Variants in NUBPL observed in about 807,000 individuals in gnomAD.
NUBPL encodes the protein iron-sulfur cluster transfer protein NUBPL.
A neutral mutation model predicts 45.7 loss-of-function variants in NUBPL; 31 were observed. That is an observed-to-expected ratio of 0.68 (90% confidence interval 0.51 to 0.92). The LOEUF is 0.92. Ranked by LOEUF, NUBPL falls within the 40% of genes least tolerant of loss-of-function variation. The pLI, the probability that NUBPL is intolerant of heterozygous loss-of-function variation, is 0.00. For missense variants in NUBPL, 401 were observed against 398.7 expected (o/e 1.01, Z -0.05); for synonymous variants, 144 against 140.9 (o/e 1.02, Z -0.15).
intron 6 of NUBPL, among the ~76,000 whole-genome samples, chr14:31,735,959 G>T (rs1273201879): frequency 2.6e-5 from 4 of 152,150 alleles, no homozygotes; most frequent in Admixed American, 2.6e-4. Context: ...AACTGCTATG[G>T]TGGTGGCCCA....
intron 4 of NUBPL, among the ~76,000 whole-genome samples, chr14:31,639,219 G>T (rs185684404): frequency 7.9e-5 from 12 of 152,014 alleles, no homozygotes; most frequent in Non-Finnish European, 1.3e-4. Flanking sequence ...TTGTGGTTTT[G>T]TCTACTTTTG....
intron 4 of NUBPL, among the ~76,000 whole-genome samples, chr14:31,616,495 C>CA (rs2034903360): frequency 2.6e-5 from 1 of 39,132 alleles, no homozygotes; most frequent in South Asian, 7.4e-3. Flanking sequence ...TATGGCTAGC[C>CA]AGTTTTTTTT....
chr14:31,653,930 G>T, intron 4 of NUBPL: 2 of 278,464 alleles, frequency 7.2e-6, no homozygotes, highest in Non-Finnish European at 1.5e-5. Context: ...CCTCTGTTCA[G>T]GGTCCCTGAC....
At chr14:31,708,666 A>G (rs2037505105) in intron 6 of NUBPL, among the ~76,000 whole-genome samples, 1 of 152,314 alleles carries the variant, frequency 6.6e-6, no homozygotes, top group South Asian at 2.1e-4. Flanking sequence ...AACAATGAGA[A>G]GGCTGCGCCA....
intron 8 of NUBPL, among the ~76,000 whole-genome samples, chr14:31,841,908 G>A (rs901753602): frequency 5.4e-4 from 44 of 81,758 alleles, no homozygotes; most frequent in African/African-American, 1.8e-3. Context: ...TGTATGGGTC[G>A]ATTCTGGGCT....
intron 7 of NUBPL, among the ~76,000 whole-genome samples, chr14:31,818,237 T>G (rs1339342674): frequency 6.6e-6 from 1 of 152,124 alleles, no homozygotes; most frequent in Non-Finnish European, 1.5e-5. Flanking sequence ...CTGTCAATAT[T>G]AGACAGAACA....
At chr14:31,698,856 CTTT>C (rs753448190) in intron 6 of NUBPL, among the ~76,000 whole-genome samples, 2 of 140,660 alleles carry the variant, frequency 1.4e-5, no homozygotes, top group African/African-American at 2.6e-5. Context: ...GTGACTTACA[CTTT>C]TTTTTTTTTT....
chr14:31,835,075 A>G (rs148710528), intron 8 of NUBPL, among the ~76,000 whole-genome samples: 2 of 152,212 alleles, frequency 1.3e-5, no homozygotes, highest in Non-Finnish European at 2.9e-5. Flanking sequence ...TTAAGGAGCC[A>G]TAGGTTCTGT....
Position 31,565,066 on chromosome 14 carries a change from G to A in NUBPL, c.291+18G>A. On this transcript the variant is annotated intron_variant, in intron 3 of 10. Coordinates refer to ENST00000281081, the MANE Select transcript of NUBPL (RefSeq NM_025152.3). The stretch of plus-strand genomic sequence containing the variant: ...ACGATTCGGTAGGTGTTTATTAATA[G>A]AAATATTAATTTATTAAAATGTTTT... 6.9e-7 allele frequency: 1 copy of A among 1,440,030 alleles called. No homozygotes were observed. The highest frequency in any genetic ancestry group is 9.7e-7 in the Non-Finnish European group (1 of 1,034,740). The allele number at this position is 1,440,030 out of a possible 1,614,324, so 89.2% of individuals were successfully genotyped here.
intron 6 of NUBPL, among the ~76,000 whole-genome samples, chr14:31,765,230 C>G (rs1424863868): frequency 6.6e-6 from 1 of 152,186 alleles, no homozygotes; most frequent in Non-Finnish European, 1.5e-5. Context: ...TGTTTCCACA[C>G]TTCGTTTTAA....
chr14:31,803,649 T>G (rs2039632818), intron 7 of NUBPL, among the ~76,000 whole-genome samples: 1 of 152,176 alleles, frequency 6.6e-6, no homozygotes, highest in Admixed American at 6.6e-5. Context: ...TTGGGCAGAG[T>G]TGTAATTAAT....
intron 8 of NUBPL, among the ~76,000 whole-genome samples, chr14:31,833,763 G>C (rs2040229656): frequency 6.6e-6 from 1 of 152,212 alleles, no homozygotes. Context: ...CACAAGGAAA[G>C]AGAATACAGA....
At chr14:31,740,482 A>G (rs1478126705) in intron 6 of NUBPL, among the ~76,000 whole-genome samples, 1 of 152,192 alleles carries the variant, frequency 6.6e-6, no homozygotes, top group Non-Finnish European at 1.5e-5. Flanking sequence ...GTCTTTGGCC[A>G]ATTTTTAAAT....
intron 6 of NUBPL, among the ~76,000 whole-genome samples, chr14:31,724,753 G>A (rs4981891): frequency 0.46 from 70,104 of 151,982 alleles, 17,430 homozygotes; most frequent in African/African-American, 0.66. Context: ...CTTGTGGATC[G>A]TACATTTTGG....
At chr14:31,816,190 A>G (rs2105275) in intron 7 of NUBPL, among the ~76,000 whole-genome samples, 54,810 of 152,006 alleles carry the variant, frequency 0.36, 12,041 homozygotes, top group East Asian at 0.61. Flanking sequence ...GTGGGCTATT[A>G]ACTACTGCCT....
At chr14:31,644,092 C>T (rs988963929) in intron 4 of NUBPL, among the ~76,000 whole-genome samples, 2 of 151,806 alleles carry the variant, frequency 1.3e-5, no homozygotes, top group African/African-American at 2.4e-5. Context: ...TTTAAAAAAT[C>T]AACTTTTTGT....
chr14:31,798,595 A>G (rs1416906383), intron 7 of NUBPL, among the ~76,000 whole-genome samples: 1 of 151,654 alleles, frequency 6.6e-6, no homozygotes, highest in African/African-American at 2.4e-5. Context: ...GAACGAGACC[A>G]TCCTGGCTAA....
chr14:31,634,573 G>A (rs546826773), intron 4 of NUBPL, among the ~76,000 whole-genome samples: 1 of 152,192 alleles, frequency 6.6e-6, no homozygotes, highest in East Asian at 1.9e-4. Context: ...CTTTATAGCA[G>A]CATGATTTAT....
chr14:31,687,253 G>T (rs1351098806), intron 6 of NUBPL, among the ~76,000 whole-genome samples: 1 of 151,834 alleles, frequency 6.6e-6, no homozygotes, highest in Non-Finnish European at 1.5e-5. Flanking sequence ...TGCAGATTTG[G>T]AACAACTTGA....
Sources: gnomAD v4.1 joint callset for allele counts (sites outside exome capture counted in the v4.1 genomes callset) on GRCh38, gnomAD v4.1.1 for gene constraint, MANE v1.5 for transcripts, NCBI Gene and HGNC (gene_info 2026-07-23, HGNC 2026-07-21) for gene names.